FLT3: variants seen among roughly 807,000 people sequenced by gnomAD.
FLT3 encodes fms related receptor tyrosine kinase 3, also known as receptor-type tyrosine-protein kinase FLT3.
Under a neutral mutation model 126.6 loss-of-function variants are expected in FLT3, and 46 were observed. That is an observed-to-expected ratio of 0.36 (90% CI 0.29 to 0.46). FLT3 has a LOEUF of 0.46. Among genes scored for constraint, FLT3 ranks in the 20% least tolerant of loss-of-function variants. FLT3 has a pLI of 1.00. For synonymous variants in FLT3, 404 were observed against 434.4 expected, an observed-to-expected ratio of 0.93 and a Z score of 0.87; for missense variants, 1,069 against 1,190.3, an observed-to-expected ratio of 0.90 and a Z score of 1.50.
In FLT3 at chr13:28,048,261, C is replaced by A. The variant is rs2137723669; in HGVS notation, c.1205+14G>T. ...ATGCTAAAAATGGTATCTTAGAGTC[C>A]TTTGTGGTCTCACCTGTATCCGTTA... On this transcript the variant is annotated intron_variant, in intron 9 of 23. Transcript: ENST00000241453. 1 of 1,604,320 alleles carries A rather than the reference C, an allele frequency of 6.2e-7. No individual in the cohort carries two copies. Among genetic ancestry groups the A allele is most frequent in the East Asian group, 2.2e-5 (1 of 44,772 alleles).
rs11408684 is a variant in FLT3 at position 28,070,991 on chromosome 13, C to CTTT, written c.44-382_44-380dup. ...CTTTTTATTGTATATAGATTTCTAC[C>CTTT]TTTTTTTTTTTTTTTTTTTTTGAGA... On this transcript the variant is annotated intron_variant, in intron 1 of 23. Transcript: ENST00000241453. Among the ~76,000 whole-genome samples, 800 of 90,850 alleles carry CTTT rather than the reference C, an allele frequency of 8.8e-3. 14 individuals are homozygous for CTTT. Among genetic ancestry groups the CTTT allele is most frequent in the Middle Eastern group, 0.027 (2 of 74 alleles). The allele number at this position is 90,850 out of a possible 152,430, so 59.6% of individuals were successfully genotyped here.
chr13:28,016,361 C>T (rs1871856791), intron 20 of FLT3, among the ~76,000 whole-genome samples: 1 of 152,082 alleles, frequency 6.6e-6, no homozygotes, highest in African/African-American at 2.4e-5. Context: ...ACCTCAGACT[C>T]CCTGGTTTAA....
chr13:28,034,050 C>T, intron 14 of FLT3, 32 bp downstream of exon 14: 2 of 1,613,416 alleles, frequency 1.2e-6, no homozygotes, highest in Non-Finnish European at 1.7e-6. Flanking sequence ...AAAAGAAATG[C>T]TGCAGAAACA....
At chr13:28,098,711 C>A (rs1347391792) in intron 1 of FLT3, among the ~76,000 whole-genome samples, 1 of 152,000 alleles carries the variant, frequency 6.6e-6, no homozygotes, top group African/African-American at 2.4e-5. Flanking sequence ...GAACAACTTC[C>A]ATGTGCTTCG....
intron 2 of FLT3, among the ~76,000 whole-genome samples, chr13:28,065,071 T>C (rs1876898070): frequency 6.6e-6 from 1 of 152,150 alleles, no homozygotes; most frequent in Admixed American, 6.5e-5. Context: ...TGAAGAAAGC[T>C]AGGTGCAAAA....
intron 2 of FLT3, among the ~76,000 whole-genome samples, chr13:28,069,396 G>A (rs1022330673): frequency 6.6e-6 from 1 of 152,096 alleles, no homozygotes; most frequent in Non-Finnish European, 1.5e-5. Context: ...AACTAAACAG[G>A]GGTATAAACA....
At chr13:28,087,380 T>G (rs1423010362) in intron 1 of FLT3, among the ~76,000 whole-genome samples, 3 of 152,254 alleles carry the variant, frequency 2.0e-5, no homozygotes, top group African/African-American at 7.2e-5. Flanking sequence ...TCACTGTCTT[T>G]TGACTTACAT....
Position 28,049,407 on chromosome 13 carries a change from T to G in FLT3, c.1013A>C (p.Gln338Pro). Residue 338 changes from glutamine (Q) to proline (P), a missense_variant, in exon 8 of 24, where the codon CAA becomes CCA. Coordinates refer to ENST00000241453, the MANE Select transcript of FLT3 (RefSeq NM_004119.3). ...YTCSSSKHPS[Q>P]SALVTIVEKG... ...ACCTACGATGGTAACCAAAGCTGAT[T>G]GACTGGGATGCTTTGAAGAGGAACA... The G allele has an allele frequency of 6.2e-7, 1 of 1,613,862 alleles. No individual in the cohort carries two copies. The highest frequency in any genetic ancestry group is 8.5e-7 in the Non-Finnish European group (1 of 1,179,934).
intron 9 of FLT3, among the ~76,000 whole-genome samples, chr13:28,038,822 G>A (rs1220812192): frequency 6.6e-6 from 1 of 152,112 alleles, no homozygotes. Flanking sequence ...CAGAGTGGAC[G>A]CAGCTTTAGA....
At chr13:28,064,096 A>AC (rs1876804032) in intron 2 of FLT3, among the ~76,000 whole-genome samples, 1 of 152,060 alleles carries the variant, frequency 6.6e-6, no homozygotes, top group African/African-American at 2.4e-5. Flanking sequence ...ACATAGCAAG[A>AC]CCCCGTCCCA....
At chr13:28,086,341 G>A (rs567728442) in intron 1 of FLT3, among the ~76,000 whole-genome samples, 21 of 152,042 alleles carry the variant, frequency 1.4e-4, no homozygotes, top group East Asian at 3.9e-4. Flanking sequence ...ACATTACTTC[G>A]TATCTAATAC....
intron 10 of FLT3, among the ~76,000 whole-genome samples, chr13:28,036,821 G>A (rs1474386727): frequency 6.6e-6 from 1 of 152,064 alleles, no homozygotes; most frequent in African/African-American, 2.4e-5. Context: ...CTACAAAAAT[G>A]GTTTTAAAAT....
At chr13:28,031,272 A>G (rs1303235930) in intron 15 of FLT3, among the ~76,000 whole-genome samples, 3 of 152,086 alleles carry the variant, frequency 2.0e-5, no homozygotes, top group Non-Finnish European at 4.4e-5. Flanking sequence ...GTGCAGGGGT[A>G]CTGTAGGGTC....
chr13:28,042,069 G>A (rs1023925246), intron 9 of FLT3, among the ~76,000 whole-genome samples: 11 of 151,432 alleles, frequency 7.3e-5, no homozygotes, highest in Middle Eastern at 3.4e-3. Context: ...CAGGAGAATC[G>A]CTTGAGGTGG....
At chr13:28,058,739 G>A (rs1593272618) in intron 3 of FLT3, among the ~76,000 whole-genome samples, 1 of 152,202 alleles carries the variant, frequency 6.6e-6, no homozygotes, top group East Asian at 1.9e-4. Context: ...CTGCTTTAAA[G>A]CAGCAAGCAG....
At chr13:28,079,633 G>A (rs944859937) in intron 1 of FLT3, among the ~76,000 whole-genome samples, 1 of 152,138 alleles carries the variant, frequency 6.6e-6, no homozygotes, top group Non-Finnish European at 1.5e-5. Context: ...GGTGGGAGGT[G>A]AAAGGCACTT....
rs778185695 is a variant in FLT3 at position 28,028,167 on chromosome 13, A to C, written c.2053+11T>G. The C allele has an allele frequency of 2.1e-6, 3 of 1,402,880 alleles. No homozygotes were observed. In the East Asian group the frequency reaches 6.8e-5, roughly 32 times the overall value. The allele number at this position is 1,402,880 out of a possible 1,614,324, so 86.9% of individuals were successfully genotyped here. A position where few individuals can be genotyped will look rare whatever the true frequency, so the allele number is the denominator to read the frequency against. The stretch of plus-strand genomic sequence containing the variant: ...CTTTTTGATGAGGTGATTTTCGTGG[A>C]AGTGGGTTACCTGACAGTGTGCACG... On this transcript the variant is annotated intron_variant, in intron 16 of 23. Coordinates refer to ENST00000241453, the MANE Select transcript of FLT3 (RefSeq NM_004119.3).
chr13:28,076,178 T>G (rs1401187174), intron 1 of FLT3, among the ~76,000 whole-genome samples: 1 of 152,148 alleles, frequency 6.6e-6, no homozygotes, highest in Non-Finnish European at 1.5e-5. Context: ...TCCATGCAAT[T>G]AACAAATATT....
chr13:28,039,105 C>T (rs1399659673), intron 9 of FLT3, among the ~76,000 whole-genome samples: 1 of 152,114 alleles, frequency 6.6e-6, no homozygotes, highest in Middle Eastern at 3.4e-3. Context: ...GACAAAGCAG[C>T]GACTGAAGGC....
Sources: gnomAD v4.1 joint callset for allele counts (sites outside exome capture counted in the v4.1 genomes callset) on GRCh38, gnomAD v4.1.1 for gene constraint, MANE v1.5 for transcripts, NCBI Gene and HGNC (gene_info 2026-07-23, HGNC 2026-07-21) for gene names.